Variants in CDH4 observed in about 807,000 individuals in gnomAD.
CDH4 encodes the protein cadherin 4.
Under a neutral mutation model 86.0 loss-of-function variants are expected in CDH4, and 33 were observed. The ratio of observed to expected loss-of-function variants is 0.38; its 90% CI spans 0.29 to 0.51. The LOEUF (loss-of-function observed/expected upper bound fraction) is 0.51. Among genes scored for constraint, CDH4 ranks in the 20% least tolerant of loss-of-function variants. The probability of loss-of-function intolerance (pLI) is 0.86; values close to 1 mark genes in which losing one functional copy is unlikely to be tolerated. For missense variants in CDH4, 1,114 were observed against 1,307.4 expected, an observed-to-expected ratio of 0.85 and a Z score of 2.28; for synonymous variants, 555 against 549.4, an observed-to-expected ratio of 1.01 and a Z score of -0.14.
Position 61,925,778 on chromosome 20 carries a change from G to A in CDH4, c.1771+1302G>A, listed in dbSNP as rs116218594. Among the ~76,000 whole-genome samples the A allele has an allele frequency of 1.4e-3, 220 of 152,292 alleles. 2 individuals are homozygous for A. The highest frequency in any genetic ancestry group is 4.1e-3 in the African/African-American group (171 of 41,570). ...ACCTGGGGCATCCTGACTGTGCCAC[G>A]GCATGGCCCAGAATGGCTGCTGGAG... On this transcript the variant is annotated intron_variant, in intron 11 of 15. Transcript: ENST00000614565.
At chr20:61,270,311 C>A (rs992772175) in intron 2 of CDH4, among the ~76,000 whole-genome samples, 14 of 152,292 alleles carry the variant, frequency 9.2e-5, no homozygotes, top group Non-Finnish European at 1.2e-4. Context: ...GAGGATAGGC[C>A]TTCTGCAGCC....
At chr20:61,607,665 A>C (rs1420901118) in intron 2 of CDH4, among the ~76,000 whole-genome samples, 1 of 152,222 alleles carries the variant, frequency 6.6e-6, no homozygotes, top group Admixed American at 6.5e-5. Flanking sequence ...TCATCAAGCC[A>C]GGGCCAAAGA....
At chr20:61,699,369 C>A (rs1378009040) in intron 2 of CDH4, among the ~76,000 whole-genome samples, 1 of 152,198 alleles carries the variant, frequency 6.6e-6, no homozygotes, top group East Asian at 1.9e-4. Context: ...AGGGCGGGCA[C>A]TGGGGCTCCC....
At chr20:61,506,563 A>C (rs1280011927) in intron 2 of CDH4, among the ~76,000 whole-genome samples, 1 of 152,248 alleles carries the variant, frequency 6.6e-6, no homozygotes, top group Non-Finnish European at 1.5e-5. Flanking sequence ...GCAGAATTGT[A>C]TCAGAGAATT....
At chr20:61,499,961 C>T (rs2085688819) in intron 2 of CDH4, among the ~76,000 whole-genome samples, 3 of 152,270 alleles carry the variant, frequency 2.0e-5, no homozygotes, top group South Asian at 4.1e-4. Flanking sequence ...CCAGGAGGCA[C>T]GGGCGCAGCT....
chr20:61,447,157 GT>G (rs1362913038), intron 2 of CDH4, among the ~76,000 whole-genome samples: 1 of 151,684 alleles, frequency 6.6e-6, no homozygotes, highest in Non-Finnish European at 1.5e-5. Flanking sequence ...TTTTTTGTTT[GT>G]TTGCTTGTTT....
intron 2 of CDH4, among the ~76,000 whole-genome samples, chr20:61,448,457 C>T (rs895110220): frequency 6.6e-6 from 1 of 152,308 alleles, no homozygotes; most frequent in African/African-American, 2.4e-5. Flanking sequence ...TCATACATCA[C>T]GGCACAGCCT....
intron 6 of CDH4, among the ~76,000 whole-genome samples, chr20:61,856,450 C>T (rs73143164): frequency 0.096 from 13,654 of 142,210 alleles, 710 homozygotes; most frequent in East Asian, 0.17. Flanking sequence ...CTGGGATCCA[C>T]GAGAATCCTT....
chr20:61,837,041 A>G (rs1981916326), intron 4 of CDH4, among the ~76,000 whole-genome samples: 1 of 152,186 alleles, frequency 6.6e-6, no homozygotes, highest in Non-Finnish European at 1.5e-5. Context: ...AACAAATTTA[A>G]AAATTGGCCA....
intron 3 of CDH4, among the ~76,000 whole-genome samples, chr20:61,744,699 G>A (rs539250610): frequency 2.8e-4 from 42 of 152,262 alleles, no homozygotes; most frequent in Admixed American, 3.9e-4. Context: ...TGGCTCACCC[G>A]GGTGACAGGG....
intron 2 of CDH4, among the ~76,000 whole-genome samples, chr20:61,671,577 G>A (rs1332860279): frequency 6.6e-6 from 1 of 152,014 alleles, no homozygotes; most frequent in Non-Finnish European, 1.5e-5. Flanking sequence ...TAGGTTTGTG[G>A]ATGGATGATG....
At chr20:61,653,572 C>A (rs1319021905) in intron 2 of CDH4, among the ~76,000 whole-genome samples, 1 of 142,808 alleles carries the variant, frequency 7.0e-6, no homozygotes, top group Non-Finnish European at 1.6e-5. Context: ...GGGCTGACCC[C>A]CACCTCCCTC....
At chr20:61,255,327 C>T (rs530069155) in intron 2 of CDH4, among the ~76,000 whole-genome samples, 1 of 152,324 alleles carries the variant, frequency 6.6e-6, no homozygotes, top group Non-Finnish European at 1.5e-5. Flanking sequence ...AGCCCACAGA[C>T]GGTCTGTTCA....
intron 6 of CDH4, among the ~76,000 whole-genome samples, chr20:61,857,253 A>C (rs536443916): frequency 6.6e-6 from 1 of 152,306 alleles, no homozygotes; most frequent in East Asian, 1.9e-4. Flanking sequence ...GCCATGGAGT[A>C]AGACGGGGCT....
chr20:61,524,866 T>G (rs552166531), intron 2 of CDH4, among the ~76,000 whole-genome samples: 2 of 152,334 alleles, frequency 1.3e-5, no homozygotes, highest in African/African-American at 2.4e-5. Context: ...ACAGATTTAT[T>G]GAACAAAGTT....
intron 2 of CDH4, among the ~76,000 whole-genome samples, chr20:61,345,859 C>T (rs528490035): frequency 6.6e-6 from 1 of 152,316 alleles, no homozygotes; most frequent in Admixed American, 6.5e-5. Context: ...AGGAGAGGCG[C>T]TCTCCAAGGT....
Position 61,932,713 on chromosome 20 carries a change from G to A in CDH4, c.2240-272G>A, listed in dbSNP as rs144995430. Among the ~76,000 whole-genome samples, 496 of 152,296 alleles carry A rather than the reference G, an allele frequency of 3.3e-3. 6 individuals carry two copies. Among genetic ancestry groups the A allele is most frequent in the African/African-American group, 0.01 (434 of 41,560 alleles). On this transcript the variant is annotated intron_variant, in intron 13 of 15. Coordinates refer to ENST00000614565, the MANE Select transcript of CDH4 (RefSeq NM_001794.5). ...ACATCCACGACTCCTGCGGATACACGTATGCATGCTTACACAGACATGCAT... is the reference window on the plus strand; with the variant it reads ...ACATCCACGACTCCTGCGGATACACATATGCATGCTTACACAGACATGCAT...
intron 13 of CDH4, among the ~76,000 whole-genome samples, chr20:61,930,882 C>A (rs1372140921): frequency 6.6e-6 from 1 of 152,248 alleles, no homozygotes; most frequent in Non-Finnish European, 1.5e-5. Flanking sequence ...CACCGGGGGC[C>A]AGGCCCCAGC....
chr20:61,743,678 C>T lies in CDH4; in HGVS notation c.285C>T (p.Ser95=), dbSNP rs767592477. The T allele has an allele frequency of 1.4e-5, 22 of 1,605,680 alleles. No homozygotes were observed. The highest frequency in any genetic ancestry group is 7.8e-5 in the South Asian group (7 of 89,250). ...VFATRELQVP[S]EQVAFTVTAW... is the part of the protein sequence containing the mutation. ...CCACCCGGGAGCTGCAGGTCCCCTC[C>T]GAGCAGGTGGCGTTCACGGTGACTG... Residue 95 remains serine (S), a synonymous_variant, in exon 3 of 16, where the codon TCC becomes TCT. Transcript: ENST00000614565.
Sources: allele counts gnomAD v4.1 joint callset (sites outside exome capture counted in the v4.1 genomes callset), GRCh38; gene constraint gnomAD v4.1.1; transcripts MANE v1.5; gene names NCBI Gene and HGNC (gene_info 2026-07-23, HGNC 2026-07-21).